FBXL2: variants seen among roughly 807,000 people sequenced by gnomAD.
FBXL2 encodes the protein F-box and leucine rich repeat protein 2.
A neutral mutation model predicts 69.2 loss-of-function variants in FBXL2; 38 were observed. The observed-to-expected ratio is 0.55, with a 90% confidence interval of 0.42 to 0.72. The LOEUF (loss-of-function observed/expected upper bound fraction) is 0.72. Among genes scored for constraint, FBXL2 ranks in the 30% least tolerant of loss-of-function variants. The probability of loss-of-function intolerance (pLI) is 0.00; values close to 1 mark genes in which losing one functional copy is unlikely to be tolerated. For synonymous variants in FBXL2, 192 were observed against 201.3 expected, an observed-to-expected ratio of 0.95 and a Z score of 0.39; for missense variants, 354 against 520.3, an observed-to-expected ratio of 0.68 and a Z score of 3.11.
At chr3:33,403,714 T>G (rs989756902), downstream of FBXL2, 1 of 152,220 alleles carries the variant, frequency 6.6e-6, no homozygotes, top group Non-Finnish European at 1.5e-5. Context: ...GGAGATACAC[T>G]ATTACAATTA....
intron 2 of FBXL2, among the ~76,000 whole-genome samples, chr3:33,341,127 A>G (rs1242379770): frequency 6.6e-6 from 1 of 152,154 alleles, no homozygotes. Flanking sequence ...GTAACCAAAT[A>G]TTATGTGCCT....
intron 2 of FBXL2, among the ~76,000 whole-genome samples, chr3:33,308,612 A>G (rs1018795667): frequency 1.1e-4 from 16 of 152,218 alleles, no homozygotes; most frequent in African/African-American, 3.6e-4. Flanking sequence ...ACACTAACAC[A>G]GTTGTCATCA....
chr3:33,307,715 T>C (rs898460018), intron 2 of FBXL2, among the ~76,000 whole-genome samples: 5 of 151,976 alleles, frequency 3.3e-5, no homozygotes, highest in East Asian at 1.9e-4. Context: ...ATATTAAATA[T>C]GTAGAGAAAA....
chr3:33,393,147 C>G (rs573504774), intron 12 of FBXL2: 79 of 746,312 alleles, frequency 1.1e-4, no homozygotes, highest in South Asian at 9.1e-4. Context: ...CACTAGGATG[C>G]CTGAAACTCT....
At chr3:33,376,522 G>C (rs912192349) in intron 10 of FBXL2, among the ~76,000 whole-genome samples, 1 of 152,174 alleles carries the variant, frequency 6.6e-6, no homozygotes, top group African/African-American at 2.4e-5. Context: ...ATTGCTGTAA[G>C]GGAGTGTTTA....
intron 11 of FBXL2, among the ~76,000 whole-genome samples, chr3:33,377,857 ACT>A (rs1194190222): frequency 2.6e-5 from 4 of 151,618 alleles, no homozygotes; most frequent in Non-Finnish European, 4.4e-5. Flanking sequence ...GTTGTAGACA[ACT>A]CTCTTTACAA....
chr3:33,417,761 T>C, the FBXL2 span, among the ~76,000 whole-genome samples: 2 of 152,166 alleles, frequency 1.3e-5, no homozygotes, highest in Non-Finnish European at 2.9e-5. Flanking sequence ...CAGTAAAAAT[T>C]AAAGAATGCT....
chr3:33,322,251 T>C (rs1008603523), intron 2 of FBXL2, among the ~76,000 whole-genome samples: 23 of 151,822 alleles, frequency 1.5e-4, no homozygotes, highest in Non-Finnish European at 3.2e-4. Flanking sequence ...CTAATTCTTT[T>C]ATATTTTTAG....
At chr3:33,414,828 C>T in the FBXL2 span, among the ~76,000 whole-genome samples, 1 of 152,070 alleles carries the variant, frequency 6.6e-6, no homozygotes, top group Non-Finnish European at 1.5e-5. Context: ...GAACCCTTTT[C>T]AATCAGTGGG....
Position 33,277,511 on chromosome 3 carries a change from C to T in FBXL2, c.-2C>T. On this transcript the variant is annotated 5_prime_UTR_variant, in exon 1 of 15. Coordinates refer to ENST00000484457, the MANE Select transcript of FBXL2 (RefSeq NM_012157.5). ...TGTGGGCTCGCTCGCGGCTCTTCGGCCATGGTGAGTCTGGGACCCGCGTCT... is the reference window on the plus strand; with the variant it reads ...TGTGGGCTCGCTCGCGGCTCTTCGGTCATGGTGAGTCTGGGACCCGCGTCT... 2 of 1,303,792 alleles carry T rather than the reference C, an allele frequency of 1.5e-6. No homozygotes were observed. The highest frequency in any genetic ancestry group is 2.8e-5 in the South Asian group (1 of 36,296). 80.8% of individuals were successfully genotyped at this position (1,303,792 alleles called of 1,614,324 possible). A position where few individuals can be genotyped will look rare whatever the true frequency, so the allele number is the denominator to read the frequency against.
chr3:33,293,649 T>G (rs982950837), intron 1 of FBXL2, among the ~76,000 whole-genome samples: 2 of 152,202 alleles, frequency 1.3e-5, no homozygotes, highest in Non-Finnish European at 2.9e-5. Flanking sequence ...AGTTTTTTTT[T>G]TTCCTGTATT....
At chr3:33,418,963 C>A in the FBXL2 span, among the ~76,000 whole-genome samples, 2 of 151,522 alleles carry the variant, frequency 1.3e-5, no homozygotes, top group East Asian at 1.9e-4. Context: ...AAAGGAAATG[C>A]CAACAGTTCT....
At position 33,386,568 on chromosome 3, in the gene FBXL2, T is replaced by C. The variant is rs1366799216; in HGVS notation, c.*960T>C. On this transcript the variant is annotated 3_prime_UTR_variant, in exon 15 of 15. Coordinates refer to ENST00000484457, the MANE Select transcript of FBXL2 (RefSeq NM_012157.5). ...AAGTTTTACACACTTAAAACTCAGA[T>C]CAGTAAGTGTTGGTACCTTTTAGAC... The C allele has an allele frequency of 6.6e-6, 1 of 152,022 alleles. No homozygotes were observed. Among genetic ancestry groups the C allele is most frequent in the Non-Finnish European group, 1.5e-5 (1 of 68,006 alleles). The allele number at this position is 152,022 out of a possible 1,614,324, so 9.4% of individuals were successfully genotyped here.
intron 2 of FBXL2, among the ~76,000 whole-genome samples, chr3:33,335,775 C>T (rs1240241502): frequency 6.6e-6 from 1 of 151,918 alleles, no homozygotes; most frequent in African/African-American, 2.4e-5. Context: ...TAGATTTGAA[C>T]CATATTCATG....
Position 33,385,647 on chromosome 3 carries a change from T to C in FBXL2, c.*39T>C, listed in dbSNP as rs1197253843. 6.5e-7 allele frequency: 1 copy of C among 1,532,508 alleles called. No individual in the cohort carries two copies. The highest frequency in any genetic ancestry group is 1.7e-5 in the Admixed American group (1 of 59,788). The allele number at this position is 1,532,508 out of a possible 1,614,324, so 94.9% of individuals were successfully genotyped here. A position where few individuals can be genotyped will look rare whatever the true frequency, so the allele number is the denominator to read the frequency against. On this transcript the variant is annotated 3_prime_UTR_variant, in exon 15 of 15. Transcript: ENST00000484457. ...GGCCCAAGGGGTGATGAGGCATCCT[T>C]TCCTCTAGAAGACCTGAGTCTTCCT...
intron 2 of FBXL2, among the ~76,000 whole-genome samples, chr3:33,319,795 A>G (rs2038042188): frequency 1.3e-5 from 2 of 152,154 alleles, no homozygotes; most frequent in Admixed American, 1.3e-4. Context: ...TGGTTCACAC[A>G]CTTTTCTAGG....
In FBXL2 at chr3:33,396,993, C is replaced by A. The variant is rs921922798; in HGVS notation, n.1215-6241C>A. Reference sequence around the variant, plus strand: ...AAACACATTCTGCCCAAATTCCCCACGCGAAGAAAGGTACATTCTTATTTC... The same window carrying A: ...AAACACATTCTGCCCAAATTCCCCAAGCGAAGAAAGGTACATTCTTATTTC... On this transcript the variant is annotated intron_variant and non_coding_transcript_variant, in intron 12 of 12. Transcript: ENST00000463736. The A allele has an allele frequency of 4.6e-6, 7 of 1,527,620 alleles. No homozygotes were observed. The African/African-American group carries it at 8.2e-5, about 18-fold the overall frequency. The allele number at this position is 1,527,620 out of a possible 1,614,324, so 94.6% of individuals were successfully genotyped here.
chr3:33,413,322 G>C, the FBXL2 span, among the ~76,000 whole-genome samples: 202 of 128,630 alleles, frequency 1.6e-3, 2 homozygotes, highest in African/African-American at 6.0e-3. Flanking sequence ...TGAGGTGGGA[G>C]GATCACGAGG....
intron 2 of FBXL2, among the ~76,000 whole-genome samples, chr3:33,340,574 A>AT (rs1269110761): frequency 1.3e-4 from 15 of 119,330 alleles, no homozygotes; most frequent in Admixed American, 3.9e-4. Flanking sequence ...GGTTATTTTG[A>AT]TTAAAAAAAA....
Sources: gnomAD v4.1 joint callset for allele counts (sites outside exome capture counted in the v4.1 genomes callset) on GRCh38, gnomAD v4.1.1 for gene constraint, MANE v1.5 for transcripts, NCBI Gene and HGNC (gene_info 2026-07-23, HGNC 2026-07-21) for gene names.